Variants in CADM1 observed in about 807,000 individuals in gnomAD.
CADM1 encodes TSLC-1.
Under a neutral mutation model 53.1 loss-of-function variants are expected in CADM1, and 15 were observed. The observed-to-expected ratio is 0.28, with a 90% CI of 0.19 to 0.44. The LOEUF is 0.44. CADM1 is among the 20% of genes least tolerant of loss of function. The pLI is 1.00. For synonymous variants in CADM1, 281 were observed against 243.0 expected (o/e 1.16, Z -1.45); for missense variants, 434 against 611.3 (o/e 0.71, Z 3.06).
At chr11:115,236,297 G>T (rs989453817) in intron 3 of CADM1, among the ~76,000 whole-genome samples, 1 of 152,062 alleles carries the variant, frequency 6.6e-6, no homozygotes, top group Admixed American at 6.6e-5. Context: ...TGGAATATAC[G>T]AGTATCAGTG....
intron 1 of CADM1, among the ~76,000 whole-genome samples, chr11:115,300,313 A>C (rs1281497648): frequency 6.6e-6 from 1 of 152,112 alleles, no homozygotes; most frequent in African/African-American, 2.4e-5. Context: ...AGAAGATAGA[A>C]ACTCTTTTCT....
intron 1 of CADM1, among the ~76,000 whole-genome samples, chr11:115,321,667 A>G (rs1944828396): frequency 6.6e-6 from 1 of 152,208 alleles, no homozygotes; most frequent in African/African-American, 2.4e-5. Context: ...GTAGCTGCTA[A>G]CTACTAAAAC....
At chr11:115,470,931 G>A (rs889459410) in intron 1 of CADM1, among the ~76,000 whole-genome samples, 1 of 152,144 alleles carries the variant, frequency 6.6e-6, no homozygotes, top group African/African-American at 2.4e-5. Flanking sequence ...GTCAAAACTG[G>A]TCCCCCTCTC....
At chr11:115,192,272 A>C (rs1264379163) in intron 9 of CADM1, among the ~76,000 whole-genome samples, 2 of 152,202 alleles carry the variant, frequency 1.3e-5, no homozygotes, top group Non-Finnish European at 2.9e-5. Flanking sequence ...AGGAAGAAGA[A>C]CTTCCATCAT....
At chr11:115,446,748 G>T (rs536119421) in intron 1 of CADM1, among the ~76,000 whole-genome samples, 37 of 152,312 alleles carry the variant, frequency 2.4e-4, no homozygotes, top group African/African-American at 8.2e-4. Flanking sequence ...GAAAGAGCAA[G>T]GCTGTACCCT....
At chr11:115,421,883 T>C (rs1947766097) in intron 1 of CADM1, among the ~76,000 whole-genome samples, 1 of 152,140 alleles carries the variant, frequency 6.6e-6, no homozygotes, top group South Asian at 2.1e-4. Context: ...CTTGATAGAT[T>C]CCCATCTTAA....
intron 1 of CADM1, among the ~76,000 whole-genome samples, chr11:115,361,648 C>G (rs2135095718): frequency 6.6e-6 from 1 of 152,254 alleles, no homozygotes; most frequent in African/African-American, 2.4e-5. Flanking sequence ...GTGCATATGT[C>G]TGTCTAGGCA....
chr11:115,369,280 T>C (rs747804815), intron 1 of CADM1, among the ~76,000 whole-genome samples: 9 of 152,104 alleles, frequency 5.9e-5, no homozygotes, highest in Non-Finnish European at 8.8e-5. Context: ...ATATTTCTTA[T>C]GGCACCTTCT....
chr11:115,417,918 T>C (rs762105712), intron 1 of CADM1, among the ~76,000 whole-genome samples: 1 of 152,168 alleles, frequency 6.6e-6, no homozygotes, highest in Non-Finnish European at 1.5e-5. Context: ...ACGACACCTG[T>C]AGTGAAGATG....
intron 7 of CADM1, among the ~76,000 whole-genome samples, chr11:115,211,743 CCTCCCAA>C (rs560427046): frequency 3.3e-5 from 5 of 152,070 alleles, no homozygotes; most frequent in Non-Finnish European, 5.9e-5. Flanking sequence ...CCCACCTCGG[CCTCCCAA>C]AGTGCTGAGA....
chr11:115,176,196 T>G lies in CADM1; in HGVS notation c.*278A>C. 1 of 1,206,526 alleles carries G rather than the reference T, an allele frequency of 8.3e-7. No homozygotes were observed. The highest frequency in any genetic ancestry group is 1.7e-5 in the South Asian group (1 of 59,238). 74.7% of individuals were successfully genotyped at this position (1,206,526 alleles called of 1,614,324 possible). On this transcript the variant is annotated 3_prime_UTR_variant, in exon 12 of 12. Transcript: ENST00000331581. ...AAACAAGGCACAGAATTTTCTGCAA[T>G]CTACTGAAACTAAATCCAAGTATCC...
At chr11:115,282,600 A>G (rs530249998) in intron 1 of CADM1, among the ~76,000 whole-genome samples, 8 of 152,278 alleles carry the variant, frequency 5.3e-5, no homozygotes, top group African/African-American at 1.7e-4. Context: ...AGTGTTGGCA[A>G]TTTGCTCTCT....
At chr11:115,261,682 A>G (rs7116817) in intron 1 of CADM1, among the ~76,000 whole-genome samples, 2,069 of 152,252 alleles carry the variant, frequency 0.014, 52 homozygotes, top group African/African-American at 0.046. Context: ...TCTTTTTCTG[A>G]AAATGTTACA....
At position 115,235,720 on chromosome 11, in the gene CADM1, T is replaced by C. The variant is rs1170061460; in HGVS notation, c.424+2780A>G. 4.6e-5 allele frequency among the ~76,000 whole-genome samples: 7 copies of C among 152,274 alleles called. No homozygotes were observed. The South Asian group carries it at 1.5e-3, about 32-fold the overall frequency. On this transcript the variant is annotated intron_variant, in intron 3 of 11. Coordinates refer to ENST00000331581, the MANE Select transcript of CADM1 (RefSeq NM_001301043.2). ...TATGTGAAATCTCACTCTAAGACCC[T>C]TTAAAATAATTAGGTTCTCCTGTTC...
chr11:115,278,782 G>A (rs1379408283), intron 1 of CADM1, among the ~76,000 whole-genome samples: 2 of 152,186 alleles, frequency 1.3e-5, no homozygotes, highest in African/African-American at 4.8e-5. Context: ...CCTGAACCAG[G>A]GAGGGAGGAG....
At chr11:115,314,593 T>G (rs1487029531) in intron 1 of CADM1, among the ~76,000 whole-genome samples, 1 of 152,156 alleles carries the variant, frequency 6.6e-6, no homozygotes, top group Non-Finnish European at 1.5e-5. Flanking sequence ...TATGAAAGAT[T>G]TATTTTAGGT....
At chr11:115,331,542 A>G (rs1945128116) in intron 1 of CADM1, among the ~76,000 whole-genome samples, 1 of 152,232 alleles carries the variant, frequency 6.6e-6, no homozygotes, top group African/African-American at 2.4e-5. Flanking sequence ...TTCTCCATCC[A>G]GTTGATGACT....
chr11:115,174,888 G>A lies in CADM1; in HGVS notation c.*1586C>T. 1.0e-6 allele frequency: 1 copy of A among 985,668 alleles called. No individual in the cohort carries two copies. The highest frequency in any genetic ancestry group is 1.2e-6 in the Non-Finnish European group (1 of 829,844). 61.1% of individuals were successfully genotyped at this position (985,668 alleles called of 1,614,324 possible). On this transcript the variant is annotated 3_prime_UTR_variant, in exon 12 of 12. Transcript: ENST00000331581. Reference sequence around the variant, plus strand: ...ACTTCTAGATTTCCTAGACGTTTCAGTGAAAATCCCCACACTTCTTTCTTT... The same window carrying A: ...ACTTCTAGATTTCCTAGACGTTTCAATGAAAATCCCCACACTTCTTTCTTT...
At chr11:115,480,589 TG>T (rs1949236136) in intron 1 of CADM1, among the ~76,000 whole-genome samples, 1 of 151,858 alleles carries the variant, frequency 6.6e-6, no homozygotes, top group Non-Finnish European at 1.5e-5. Flanking sequence ...CTGGGAAGAG[TG>T]ACATTTCAGT....
Sources: gnomAD v4.1 joint callset for allele counts (sites outside exome capture counted in the v4.1 genomes callset) on GRCh38, gnomAD v4.1.1 for gene constraint, MANE v1.5 for transcripts, NCBI Gene and HGNC (gene_info 2026-07-23, HGNC 2026-07-21) for gene names.